CADM2: variants seen among roughly 807,000 people sequenced by gnomAD.
CADM2 encodes immunoglobulin superfamily member 4D.
CADM2 carries 12 observed loss-of-function variants against 49.8 expected under a neutral mutation model. The observed-to-expected ratio is 0.24, with a 90% CI of 0.15 to 0.39. The LOEUF (loss-of-function observed/expected upper bound fraction) is 0.39. Among genes scored for constraint, CADM2 ranks in the 10% least tolerant of loss-of-function variants. The pLI, the probability that CADM2 is intolerant of heterozygous loss-of-function variation, is 1.00. For missense variants in CADM2, 378 were observed against 492.3 expected (o/e 0.77, Z 2.20); for synonymous variants, 214 against 175.4 (o/e 1.22, Z -1.74).
At chr3:85,351,234 A>G (rs1392951661) in intron 1 of CADM2, among the ~76,000 whole-genome samples, 1 of 152,158 alleles carries the variant, frequency 6.6e-6, no homozygotes. Context: ...TTGCTGAGTT[A>G]AAGTGTTTTT....
intron 1 of CADM2, among the ~76,000 whole-genome samples, chr3:85,464,725 T>C (rs546911699): frequency 9.2e-5 from 14 of 152,346 alleles, no homozygotes; most frequent in Non-Finnish European, 1.2e-4. Flanking sequence ...AAAGGAAATA[T>C]GCAATATATT....
chr3:85,870,204 T>G (rs1453323647), intron 3 of CADM2, among the ~76,000 whole-genome samples: 1 of 152,184 alleles, frequency 6.6e-6, no homozygotes, highest in Non-Finnish European at 1.5e-5. Context: ...AAGATTCATT[T>G]AGCTTGTTTG....
chr3:85,855,936 T>G (rs891158951), intron 3 of CADM2, among the ~76,000 whole-genome samples: 4 of 152,130 alleles, frequency 2.6e-5, no homozygotes, highest in Non-Finnish European at 5.9e-5. Context: ...AAAAAATATT[T>G]TAATCTTAAC....
chr3:85,109,379 A>T (rs2038367140), intron 1 of CADM2, among the ~76,000 whole-genome samples: 1 of 151,924 alleles, frequency 6.6e-6, no homozygotes, highest in Non-Finnish European at 1.5e-5. Flanking sequence ...GTGGGGAGAA[A>T]GAGAGGAGAG....
intron 1 of CADM2, among the ~76,000 whole-genome samples, chr3:85,310,945 A>G (rs1189367752): frequency 2.0e-5 from 3 of 152,160 alleles, no homozygotes; most frequent in Non-Finnish European, 4.4e-5. Context: ...CTATGGGAAA[A>G]GTGAGTGGTT....
At chr3:85,369,982 G>C (rs1443014328) in intron 1 of CADM2, among the ~76,000 whole-genome samples, 3 of 151,682 alleles carry the variant, frequency 2.0e-5, no homozygotes, top group African/African-American at 7.3e-5. Context: ...AAAAAAAACA[G>C]CAAAATCAGA....
intron 8 of CADM2, among the ~76,000 whole-genome samples, chr3:86,009,367 GA>G (rs71128107): frequency 0.17 from 26,055 of 150,882 alleles, 2,302 homozygotes; most frequent in South Asian, 0.24. Flanking sequence ...AATTATTTCA[GA>G]AATTTAAGGG....
chr3:85,392,681 A>G (rs1395678676), intron 1 of CADM2, among the ~76,000 whole-genome samples: 1 of 152,152 alleles, frequency 6.6e-6, no homozygotes, highest in African/African-American at 2.4e-5. Flanking sequence ...TATAAAAAGT[A>G]AAGTTCTTTT....
chr3:85,803,418 G>A (rs2072182698), intron 3 of CADM2, among the ~76,000 whole-genome samples: 1 of 152,010 alleles, frequency 6.6e-6, no homozygotes, highest in Admixed American at 6.6e-5. Context: ...GTGCTATGCA[G>A]AAGAATGAAC....
chr3:85,688,195 G>T (rs992016812), intron 1 of CADM2, among the ~76,000 whole-genome samples: 11 of 152,110 alleles, frequency 7.2e-5, no homozygotes, highest in African/African-American at 2.2e-4. Flanking sequence ...ACAACATAGT[G>T]AATTATGGAC....
At chr3:85,158,351 A>G (rs2040207846) in intron 1 of CADM2, among the ~76,000 whole-genome samples, 1 of 152,224 alleles carries the variant, frequency 6.6e-6, no homozygotes, top group African/African-American at 2.4e-5. Context: ...GTATATACCC[A>G]AAGGACTATA....
chr3:85,519,099 C>A (rs1487898330), intron 1 of CADM2, among the ~76,000 whole-genome samples: 1 of 151,910 alleles, frequency 6.6e-6, no homozygotes, highest in Non-Finnish European at 1.5e-5. Context: ...TATAATAGAG[C>A]ATTACACAAA....
intron 1 of CADM2, among the ~76,000 whole-genome samples, chr3:85,095,891 T>C (rs958519648): frequency 6.6e-6 from 1 of 152,092 alleles, no homozygotes; most frequent in Non-Finnish European, 1.5e-5. Flanking sequence ...ACAACAGTCA[T>C]TTAAAGTCTC....
intron 1 of CADM2, among the ~76,000 whole-genome samples, chr3:85,137,754 A>G (rs1265056426): frequency 6.6e-6 from 1 of 152,126 alleles, no homozygotes; most frequent in African/African-American, 2.4e-5. Context: ...CAGTTGTATT[A>G]AAGCTTATCC....
At chr3:85,837,516 G>A (rs1183214917) in intron 3 of CADM2, among the ~76,000 whole-genome samples, 2 of 151,544 alleles carry the variant, frequency 1.3e-5, no homozygotes, top group East Asian at 1.9e-4. Flanking sequence ...AGGAATCAGA[G>A]GAAAGACACT....
chr3:85,000,893 T>C (rs928283307), intron 1 of CADM2, among the ~76,000 whole-genome samples: 2 of 152,070 alleles, frequency 1.3e-5, no homozygotes, highest in Non-Finnish European at 2.9e-5. Context: ...ACATTATCAA[T>C]AAGAAAACAA....
intron 7 of CADM2, among the ~76,000 whole-genome samples, chr3:85,944,787 G>A (rs1722432074): frequency 6.6e-6 from 1 of 151,906 alleles, no homozygotes; most frequent in Admixed American, 6.6e-5. Context: ...TGTGTGTAGA[G>A]GGAAATTTAT....
At chr3:85,346,329 C>G (rs1267894182) in intron 1 of CADM2, among the ~76,000 whole-genome samples, 2 of 152,124 alleles carry the variant, frequency 1.3e-5, no homozygotes, top group Non-Finnish European at 2.9e-5. Context: ...ATCTACTACA[C>G]TGTTACTTTG....
chr3:85,316,498 A>G (rs950201563), intron 1 of CADM2, among the ~76,000 whole-genome samples: 3 of 152,176 alleles, frequency 2.0e-5, no homozygotes, highest in Non-Finnish European at 2.9e-5. Context: ...AAGTAAGCAC[A>G]CTGAATCTGC....
Sources: gnomAD v4.1 joint callset for allele counts (sites outside exome capture counted in the v4.1 genomes callset) on GRCh38, gnomAD v4.1.1 for gene constraint, MANE v1.5 for transcripts, NCBI Gene and HGNC (gene_info 2026-07-23, HGNC 2026-07-21) for gene names.